SLC2A1: variants seen among roughly 807,000 people sequenced by gnomAD.
SLC2A1 encodes the protein solute carrier family 2, facilitated glucose transporter member 1.
A neutral mutation model predicts 46.6 loss-of-function variants in SLC2A1; 4 were observed. That is an observed-to-expected ratio of 0.09 (90% CI 0.04 to 0.20). The LOEUF is 0.20. Among genes scored for constraint, SLC2A1 ranks in the 10% least tolerant of loss-of-function variants. SLC2A1 has a pLI of 1.00. For missense variants in SLC2A1, 352 were observed against 667.0 expected, an observed-to-expected ratio of 0.53 and a Z score of 5.20; for synonymous variants, 253 against 270.0, an observed-to-expected ratio of 0.94 and a Z score of 0.62.
chr1:42,948,682 A>G (rs1378766095), intron 1 of SLC2A1, among the ~76,000 whole-genome samples: 1 of 152,100 alleles, frequency 6.6e-6, no homozygotes, highest in East Asian at 1.9e-4. Flanking sequence ...TAATCCCAGC[A>G]CTCTGGTAGG....
intron 2 of SLC2A1, among the ~76,000 whole-genome samples, chr1:42,934,875 C>A (rs1643526660): frequency 6.6e-6 from 1 of 152,212 alleles, no homozygotes; most frequent in Admixed American, 6.5e-5. Flanking sequence ...CTTCTCTACC[C>A]AGGCAGCCTG....
At position 42,950,161 on chromosome 1, in the gene SLC2A1, G is replaced by A. The variant is rs1392666043; in HGVS notation, c.19-6840C>T. 2.6e-5 allele frequency among the ~76,000 whole-genome samples: 4 copies of A among 152,220 alleles called. No homozygotes were observed. The East Asian group carries it at 5.8e-4, about 22-fold the overall frequency. ...ATGACTAATATTTTGTGATATGTAA[G>A]AATTATATTAAATTCACATTTCAGT... On this transcript the variant is annotated intron_variant, in intron 1 of 9. Coordinates refer to ENST00000426263, the MANE Select transcript of SLC2A1 (RefSeq NM_006516.4).
intron 2 of SLC2A1, among the ~76,000 whole-genome samples, chr1:42,934,628 A>G (rs889117311): frequency 2.0e-5 from 3 of 152,106 alleles, no homozygotes; most frequent in Non-Finnish European, 4.4e-5. Flanking sequence ...GGTGCACCTC[A>G]GGAAAGAAGA....
In SLC2A1 at chr1:42,958,793, C is replaced by G; in HGVS notation, c.-142G>C. The G allele has an allele frequency of 1.2e-6, 1 of 842,282 alleles. No homozygotes were observed. The highest frequency in any genetic ancestry group is 1.6e-5 in the South Asian group (1 of 63,054). The allele number at this position is 842,282 out of a possible 1,614,324, so 52.2% of individuals were successfully genotyped here. On this transcript the variant is annotated 5_prime_UTR_variant, in exon 1 of 10. Transcript: ENST00000426263. ...GACTCCGACCCCCGTCGTTTGGTCT[C>G]CTGCTCCCTGGCGTGCTCACTCGGG...
intron 1 of SLC2A1, among the ~76,000 whole-genome samples, chr1:42,947,743 C>T (rs984705468): frequency 6.6e-6 from 1 of 152,050 alleles, no homozygotes; most frequent in South Asian, 2.1e-4. Flanking sequence ...TGGGTCATAC[C>T]GTGTCTGCAG....
At chr1:42,941,226 T>C (rs528968024) in intron 2 of SLC2A1, among the ~76,000 whole-genome samples, 1 of 152,314 alleles carries the variant, frequency 6.6e-6, no homozygotes, top group Admixed American at 6.5e-5. Flanking sequence ...TGGGTCCCTA[T>C]TGTCCTCATC....
At position 42,954,085 on chromosome 1, in the gene SLC2A1, T is replaced by C. The variant is rs544806925; in HGVS notation, c.18+4549A>G. Among the ~76,000 whole-genome samples the C allele has an allele frequency of 5.9e-5, 9 of 152,106 alleles. No homozygotes were observed. The South Asian group carries it at 1.9e-3, about 32-fold the overall frequency. The stretch of plus-strand genomic sequence containing the variant: ...TGTTTTGTTTCCATTCACAGTAGAG[T>C]TTCAGTTGTCAAGTTACGTCTAATC... On this transcript the variant is annotated intron_variant, in intron 1 of 9. Transcript: ENST00000426263. The surrounding 1 kb of genome is among the most constrained non-coding windows in gnomAD (Gnocchi z 4.2).
chr1:42,932,844 C>A (rs74373795), intron 2 of SLC2A1, among the ~76,000 whole-genome samples: 2,557 of 152,282 alleles, frequency 0.017, 80 homozygotes, highest in African/African-American at 0.058. Flanking sequence ...CCTGTCACAA[C>A]CTGTCCCAAG....
chr1:42,957,725 T>A (rs1264502735), intron 1 of SLC2A1, among the ~76,000 whole-genome samples: 1 of 152,092 alleles, frequency 6.6e-6, no homozygotes, highest in Non-Finnish European at 1.5e-5. Flanking sequence ...CAAGCCCACT[T>A]ACACAGAAAA....
chr1:42,950,471 A>G (rs1643709214), intron 1 of SLC2A1, among the ~76,000 whole-genome samples: 1 of 152,226 alleles, frequency 6.6e-6, no homozygotes, highest in African/African-American at 2.4e-5. Context: ...TTAAATGTAA[A>G]TGGCTCCTTG....
At chr1:42,950,465 A>G (rs905338995) in intron 1 of SLC2A1, among the ~76,000 whole-genome samples, 4 of 152,236 alleles carry the variant, frequency 2.6e-5, no homozygotes, top group African/African-American at 9.6e-5. Context: ...GGAATGTTAA[A>G]TGTAAATGGC....
At chr1:42,951,485 G>A (rs1377141734) in intron 1 of SLC2A1, 1 of 188,786 alleles carries the variant, frequency 5.3e-6, no homozygotes, top group African/African-American at 2.3e-5. Context: ...TTGGTTTGGT[G>A]AACAGAATGG....
Position 42,930,341 on chromosome 1 carries a change from G to C in SLC2A1, c.516+285C>G. ...GGGACAGGGAAGGGGAAGCCTCCTG[G>C]AGAGAGGGTACTGTGCATAACAGCC... On this transcript the variant is annotated intron_variant, in intron 4 of 9. Coordinates refer to ENST00000426263, the MANE Select transcript of SLC2A1 (RefSeq NM_006516.4). This position sits in a 1 kb window ranked among gnomAD's most constrained non-coding sequence, Gnocchi z 6.2. 1 of 637,860 alleles carries C rather than the reference G, an allele frequency of 1.6e-6. No homozygotes were observed. Among genetic ancestry groups the C allele is most frequent in the Non-Finnish European group, 2.8e-6 (1 of 352,468 alleles). The allele number at this position is 637,860 out of a possible 1,614,324, so 39.5% of individuals were successfully genotyped here. A position where few individuals can be genotyped will look rare whatever the true frequency, so the allele number is the denominator to read the frequency against.
At chr1:42,944,790 C>T (rs948648981) in intron 1 of SLC2A1, among the ~76,000 whole-genome samples, 4 of 152,178 alleles carry the variant, frequency 2.6e-5, no homozygotes, top group African/African-American at 9.7e-5. Flanking sequence ...CCTTAGCCTG[C>T]CTCTGGACAT....
chr1:42,946,380 G>C (rs76657494), intron 1 of SLC2A1, among the ~76,000 whole-genome samples: 1 of 152,202 alleles, frequency 6.6e-6, no homozygotes, highest in Admixed American at 6.5e-5. Flanking sequence ...GGCCCCGGAT[G>C]AAACTGGACC....
chr1:42,940,473 C>T (rs924550818), intron 2 of SLC2A1, among the ~76,000 whole-genome samples: 13 of 152,218 alleles, frequency 8.5e-5, no homozygotes, highest in African/African-American at 2.7e-4. Flanking sequence ...CCTGGCCCTT[C>T]GATGGCTTAC....
At chr1:42,944,427 A>G (rs987360897) in intron 1 of SLC2A1, among the ~76,000 whole-genome samples, 3 of 152,182 alleles carry the variant, frequency 2.0e-5, no homozygotes, top group Non-Finnish European at 2.9e-5. Flanking sequence ...CATGCCAAAG[A>G]AACGACTGGC....
At chr1:42,943,568 G>C (rs1374934884) in intron 1 of SLC2A1, among the ~76,000 whole-genome samples, 2 of 152,098 alleles carry the variant, frequency 1.3e-5, no homozygotes, top group East Asian at 3.9e-4. Context: ...TTCTCTCTCT[G>C]TAGCCAGGTC....
At chr1:42,941,046 CA>C (rs1391103730) in intron 2 of SLC2A1, among the ~76,000 whole-genome samples, 2 of 152,208 alleles carry the variant, frequency 1.3e-5, no homozygotes, top group African/African-American at 4.8e-5. Flanking sequence ...AATTGATGAC[CA>C]AATCCTGTCC....
Sources: gnomAD v4.1 joint callset for allele counts (sites outside exome capture counted in the v4.1 genomes callset) on GRCh38, gnomAD v4.1.1 for gene constraint, Gnocchi (gnomAD v3.1) non-coding constraint, MANE v1.5 for transcripts, NCBI Gene and HGNC (gene_info 2026-07-23, HGNC 2026-07-21) for gene names.